PGM1: variants seen among roughly 807,000 people sequenced by gnomAD.
The protein encoded by PGM1 is phosphoglucomutase-1.
PGM1 carries 52 observed loss-of-function variants against 55.6 expected under a neutral mutation model. The ratio of observed to expected loss-of-function variants is 0.94; its 90% CI spans 0.75 to 1.18. The LOEUF is 1.18. Ranked by LOEUF, PGM1 falls within the 50% of genes most tolerant of loss-of-function variation. PGM1 has a pLI of 0.00. For synonymous variants in PGM1, 287 were observed against 271.7 expected (o/e 1.06, Z -0.55); for missense variants, 724 against 729.3 (o/e 0.99, Z 0.08).
At chr1:63,620,476 G>A (rs1648851830) in intron 1 of PGM1, among the ~76,000 whole-genome samples, 1 of 152,152 alleles carries the variant, frequency 6.6e-6, no homozygotes, top group African/African-American at 2.4e-5. Context: ...CATCCCTTAT[G>A]CCCACTCCTG....
chr1:63,654,329 C>T lies in PGM1; in HGVS notation c.1465-3C>T. 6.2e-7 allele frequency: 1 copy of T among 1,613,828 alleles called. No individual in the cohort carries two copies. The highest frequency in any genetic ancestry group is 8.5e-7 in the Non-Finnish European group (1 of 1,179,798). On this transcript the variant is annotated splice_region_variant and splice_polypyrimidine_tract_variant and intron_variant, in intron 9 of 10. Coordinates refer to ENST00000371084, the MANE Select transcript of PGM1 (RefSeq NM_002633.3). ...GAAAAAAATCTCTGCTTATCTTTTC[C>T]AGGGCTTGCGCCTCATTTTCACAGA... is the stretch of plus-strand genomic sequence containing the variant.
chr1:63,600,662 C>T (rs116486075), intron 1 of PGM1, among the ~76,000 whole-genome samples: 2,094 of 152,236 alleles, frequency 0.014, 48 homozygotes, highest in African/African-American at 0.048. Flanking sequence ...TGATAAACCT[C>T]ATGAGAGCAG....
chr1:63,655,388 G>T (rs1649934811), intron 10 of PGM1, among the ~76,000 whole-genome samples: 1 of 152,138 alleles, frequency 6.6e-6, no homozygotes, highest in Non-Finnish European at 1.5e-5. Flanking sequence ...CACACCACTG[G>T]GTCTTAGATT....
chr1:63,651,604 T>C, intron 8 of PGM1, 65 bp from the exon 9 acceptor site: 1 of 1,464,684 alleles, frequency 6.8e-7, no homozygotes, highest in Non-Finnish European at 9.5e-7. Context: ...AAGAAAGTGC[T>C]GACTGATAGG....
At position 63,659,689 on chromosome 1, in the gene PGM1, A is replaced by C; in HGVS notation, c.*14A>C. ...GTCATCACCTAAGAAGACAGGCCTG[A>C]TGTGGTACGTCCCTCCACCCCCGGA... On this transcript the variant is annotated 3_prime_UTR_variant, in exon 11 of 11. Transcript: ENST00000371084. 1 of 1,596,802 alleles carries C rather than the reference A, an allele frequency of 6.3e-7. No homozygotes were observed. The highest frequency in any genetic ancestry group is 8.6e-7 in the Non-Finnish European group (1 of 1,164,262).
At chr1:63,654,667 G>T (rs367663243) in intron 10 of PGM1, among the ~76,000 whole-genome samples, 1 of 151,834 alleles carries the variant, frequency 6.6e-6, no homozygotes, top group Non-Finnish European at 1.5e-5. Context: ...GAGGTGGGAG[G>T]ATCACCTGAG....
At chr1:63,622,470 C>T (rs1318757273) in intron 1 of PGM1, among the ~76,000 whole-genome samples, 1 of 152,172 alleles carries the variant, frequency 6.6e-6, no homozygotes, top group Non-Finnish European at 1.5e-5. Context: ...TCCCTAAAAA[C>T]ATTTTATTAA....
intron 1 of PGM1, among the ~76,000 whole-genome samples, chr1:63,624,160 T>G (rs1056651952): frequency 2.0e-5 from 3 of 152,178 alleles, no homozygotes; most frequent in Non-Finnish European, 2.9e-5. Flanking sequence ...TTCAATGGCT[T>G]TCTTGTTGAA....
chr1:63,652,257 T>C (rs1236641457), intron 9 of PGM1, among the ~76,000 whole-genome samples: 1 of 152,230 alleles, frequency 6.6e-6, no homozygotes, highest in Non-Finnish European at 1.5e-5. Flanking sequence ...AGTGACAGCA[T>C]GTAAGTGGCA....
chr1:63,658,879 C>A (rs1343505218), intron 10 of PGM1, among the ~76,000 whole-genome samples: 1 of 152,130 alleles, frequency 6.6e-6, no homozygotes, highest in Non-Finnish European at 1.5e-5. Context: ...GCTGGGGAAG[C>A]CTCACAATCA....
chr1:63,629,998 G>T lies in PGM1; in HGVS notation c.466G>T (p.Glu156Ter). 1.2e-6 allele frequency: 2 copies of T among 1,613,970 alleles called. No homozygotes were observed. The highest frequency in any genetic ancestry group is 1.7e-6 in the Non-Finnish European group (2 of 1,179,890). ...KIFQISKTIEEYAVCPDLKVD... is the reference protein window; with the variant it reads ...KIFQISKTIE The stretch of plus-strand genomic sequence containing the variant: ...TTTCCAAATCAGCAAGACAATTGAA[G>T]AATATGCAGTTTGCCCTGACCTGAA... The change falls in exon 3 of 11, where the codon GAA becomes TAA. Residue 156 changes from glutamate (E) to a stop codon, truncating the protein, a stop_gained. Transcript: ENST00000371084. LOFTEE classifies it high-confidence loss of function.
intron 1 of PGM1, among the ~76,000 whole-genome samples, chr1:63,614,896 TCTA>T (rs1258284736): frequency 1.3e-5 from 2 of 152,224 alleles, no homozygotes; most frequent in Non-Finnish European, 2.9e-5. Context: ...GAATTTATCT[TCTA>T]CTACCTTTGA....
chr1:63,653,095 G>C (rs1283814464), intron 9 of PGM1, among the ~76,000 whole-genome samples: 2 of 152,184 alleles, frequency 1.3e-5, no homozygotes, highest in African/African-American at 4.8e-5. Context: ...GGGAGAAGAG[G>C]TGTAAAGGTG....
intron 8 of PGM1, chr1:63,651,301 A>G: frequency 3.9e-6 from 1 of 258,678 alleles, no homozygotes; most frequent in Non-Finnish European, 7.6e-6. Context: ...GCTCCTTTCA[A>G]GAGAGTTCTC....
intron 10 of PGM1, among the ~76,000 whole-genome samples, chr1:63,659,235 T>G (rs536556475): frequency 2.3e-4 from 35 of 152,226 alleles, no homozygotes; most frequent in Middle Eastern, 6.8e-3. Context: ...GACATTGACT[T>G]AGCAAGACTT....
At chr1:63,598,199 CAT>C (rs1348762509) in intron 1 of PGM1, among the ~76,000 whole-genome samples, 4 of 152,174 alleles carry the variant, frequency 2.6e-5, no homozygotes, top group Admixed American at 6.5e-5. Flanking sequence ...ATCTCGAACT[CAT>C]GGGCTCAAGC....
At chr1:63,651,628 T>C in intron 8 of PGM1, 41 bp from the exon 9 acceptor site, 1 of 1,585,240 alleles carries the variant, frequency 6.3e-7, no homozygotes, top group Non-Finnish European at 8.7e-7. Flanking sequence ...TGGTGTGATC[T>C]GCAGTCAGCC....
intron 8 of PGM1, 93 bp downstream of exon 8, chr1:63,648,745 A>G: frequency 3.7e-6 from 5 of 1,366,538 alleles, no homozygotes; most frequent in South Asian, 2.3e-5. Flanking sequence ...CTTAAGTGCT[A>G]ATAAAACCCT....
chr1:63,635,706 A>G (rs1270745617), intron 5 of PGM1, among the ~76,000 whole-genome samples: 1 of 152,162 alleles, frequency 6.6e-6, no homozygotes. Flanking sequence ...CCTTATCAAA[A>G]TGTTGGGAAA....
Sources: allele counts gnomAD v4.1 joint callset (sites outside exome capture counted in the v4.1 genomes callset), GRCh38; gene constraint gnomAD v4.1.1; transcripts MANE v1.5; gene names NCBI Gene and HGNC (gene_info 2026-07-23, HGNC 2026-07-21).